INPP5A: variants seen among roughly 807,000 people sequenced by gnomAD.
INPP5A encodes inositol polyphosphate-5-phosphatase A.
Under a neutral mutation model 65.2 loss-of-function variants are expected in INPP5A, and 14 were observed. The ratio of observed to expected loss-of-function variants is 0.21; its 90% CI spans 0.14 to 0.34. The LOEUF (loss-of-function observed/expected upper bound fraction) is 0.34. Ranked by LOEUF, INPP5A falls within the 10% of genes least tolerant of loss-of-function variation. The pLI, the probability that INPP5A is intolerant of heterozygous loss-of-function variation, is 1.00. For missense variants in INPP5A, 431 were observed against 545.6 expected (o/e 0.79, Z 2.09); for synonymous variants, 207 against 208.3 (o/e 0.99, Z 0.05).
At chr10:132,625,867 TG>T (rs2072176698) in intron 2 of INPP5A, among the ~76,000 whole-genome samples, 3 of 150,998 alleles carry the variant, frequency 2.0e-5, no homozygotes, top group African/African-American at 7.4e-5. Context: ...TGTGTGTGTG[TG>T]TGTGTGTGTT....
intron 4 of INPP5A, among the ~76,000 whole-genome samples, chr10:132,670,284 A>C (rs1447414885): frequency 3.6e-5 from 3 of 83,826 alleles, no homozygotes; most frequent in African/African-American, 1.5e-4. Context: ...CATCCTCTGC[A>C]TACTCCCAGA....
chr10:132,607,839 AC>A, intron 1 of INPP5A, 75 bp from the exon 2 acceptor site: 1 of 1,423,996 alleles, frequency 7.0e-7, no homozygotes, highest in Non-Finnish European at 9.8e-7. Context: ...CGTTGTCTTC[AC>A]AGGAGCTTGT....
chr10:132,686,437 A>C (rs2073114354), intron 4 of INPP5A, among the ~76,000 whole-genome samples: 1 of 152,246 alleles, frequency 6.6e-6, no homozygotes, highest in Non-Finnish European at 1.5e-5. Context: ...ACTCTTGACA[A>C]GTACTGTGGT....
At chr10:132,614,250 G>T (rs921561666) in intron 2 of INPP5A, among the ~76,000 whole-genome samples, 12 of 152,146 alleles carry the variant, frequency 7.9e-5, no homozygotes, top group African/African-American at 2.2e-4. Flanking sequence ...TGGATCACTT[G>T]AGCTCAGGAG....
intron 8 of INPP5A, among the ~76,000 whole-genome samples, chr10:132,717,607 G>T (rs960393052): frequency 2.0e-5 from 3 of 150,532 alleles, no homozygotes; most frequent in Non-Finnish European, 4.4e-5. Context: ...GTGGTACCTG[G>T]GTTCTTTCTG....
chr10:132,568,231 C>T lies in INPP5A; in HGVS notation c.75+30060C>T, dbSNP rs186499860. Among the ~76,000 whole-genome samples, 406 of 150,194 alleles carry T rather than the reference C, an allele frequency of 2.7e-3. 5 individuals are homozygous for T. Among genetic ancestry groups the T allele is most frequent in the African/African-American group, 9.6e-3 (393 of 40,914 alleles). ...AAAAAAAATTGGCTGAAACACCAGA[C>T]ATTTTTCCTGGTGTTCACCTGGTAC... On this transcript the variant is annotated intron_variant, in intron 1 of 15. Transcript: ENST00000368594.
chr10:132,605,697 T>C (rs2071840511), intron 1 of INPP5A, among the ~76,000 whole-genome samples: 2 of 151,674 alleles, frequency 1.3e-5, no homozygotes, highest in South Asian at 4.2e-4. Context: ...CAGGGCCCCA[T>C]GGTCACCGTG....
chr10:132,658,883 G>C (rs573535142), intron 4 of INPP5A, among the ~76,000 whole-genome samples: 2 of 152,072 alleles, frequency 1.3e-5, no homozygotes, highest in African/African-American at 4.8e-5. Context: ...CCATGCACCC[G>C]GCAGGAGAGT....
At chr10:132,758,107 G>C (rs1270887559) in intron 11 of INPP5A, among the ~76,000 whole-genome samples, 1 of 134,326 alleles carries the variant, frequency 7.4e-6, no homozygotes, top group Non-Finnish European at 1.6e-5. Flanking sequence ...GCACCATGGC[G>C]TGGGTCCCCG....
At chr10:132,649,478 C>G (rs2072543610) in intron 3 of INPP5A, among the ~76,000 whole-genome samples, 1 of 152,238 alleles carries the variant, frequency 6.6e-6, no homozygotes, top group Non-Finnish European at 1.5e-5. Context: ...TGTTTGAGCC[C>G]TGTTTTCTTC....
chr10:132,745,338 C>G (rs1846349709), intron 9 of INPP5A, among the ~76,000 whole-genome samples: 1 of 152,198 alleles, frequency 6.6e-6, no homozygotes, highest in East Asian at 1.9e-4. Context: ...GCCCCAGTGA[C>G]TAACGGATTC....
intron 9 of INPP5A, among the ~76,000 whole-genome samples, chr10:132,729,516 C>T (rs1590963499): frequency 6.6e-6 from 1 of 152,352 alleles, no homozygotes; most frequent in East Asian, 1.9e-4. Context: ...TCCCGGGCCT[C>T]AGTGGGCTCT....
chr10:132,736,066 T>C (rs1337019371), intron 9 of INPP5A, among the ~76,000 whole-genome samples: 1 of 152,206 alleles, frequency 6.6e-6, no homozygotes, highest in Non-Finnish European at 1.5e-5. Context: ...GAAAAGATAC[T>C]GGAGTCAGAT....
chr10:132,714,412 G>A (rs1227378720), intron 8 of INPP5A, among the ~76,000 whole-genome samples: 2 of 152,234 alleles, frequency 1.3e-5, no homozygotes, highest in Non-Finnish European at 2.9e-5. Flanking sequence ...GCAGGACAAT[G>A]CCGCGCGGCC....
At chr10:132,611,640 G>A (rs2071952968) in intron 2 of INPP5A, among the ~76,000 whole-genome samples, 2 of 134,044 alleles carry the variant, frequency 1.5e-5, no homozygotes, top group African/African-American at 5.7e-5. Context: ...GGGAGGGTGA[G>A]GGAGGTGAGG....
chr10:132,682,747 C>G (rs1222410151), intron 4 of INPP5A, among the ~76,000 whole-genome samples: 2 of 152,136 alleles, frequency 1.3e-5, no homozygotes, highest in Non-Finnish European at 2.9e-5. Flanking sequence ...TCTGCCATGA[C>G]CCAGCAATGC....
intron 1 of INPP5A, among the ~76,000 whole-genome samples, chr10:132,543,905 C>T (rs185321649): frequency 1.1e-3 from 168 of 152,380 alleles, no homozygotes; most frequent in African/African-American, 3.8e-3. Flanking sequence ...TCCCGCCTTC[C>T]GGTTCTGGTG....
intron 1 of INPP5A, among the ~76,000 whole-genome samples, chr10:132,598,128 A>T (rs1011357362): frequency 1.3e-5 from 2 of 151,926 alleles, no homozygotes; most frequent in African/African-American, 4.8e-5. Flanking sequence ...TCTTTTTTTC[A>T]TTTTATATGA....
intron 11 of INPP5A, among the ~76,000 whole-genome samples, chr10:132,751,125 G>A (rs1210352665): frequency 6.6e-6 from 1 of 152,088 alleles, no homozygotes; most frequent in East Asian, 1.9e-4. Flanking sequence ...CCTCCCCAAC[G>A]GCCCCCAGAC....
Sources: gnomAD v4.1 joint callset for allele counts (sites outside exome capture counted in the v4.1 genomes callset) on GRCh38, gnomAD v4.1.1 for gene constraint, MANE v1.5 for transcripts, NCBI Gene and HGNC (gene_info 2026-07-23, HGNC 2026-07-21) for gene names.